GNAQ: variants seen among roughly 807,000 people sequenced by gnomAD.
GNAQ encodes G protein subunit alpha q.
In GNAQ, 8 loss-of-function variants were observed where a neutral mutation model predicts 43.9. The ratio of observed to expected loss-of-function variants is 0.18; its 90% CI spans 0.11 to 0.33. GNAQ has a LOEUF of 0.33. Among genes scored for constraint, GNAQ ranks in the 10% least tolerant of loss-of-function variants. The pLI is 1.00. For missense variants in GNAQ, 158 were observed against 450.8 expected (o/e 0.35, Z 5.88); for synonymous variants, 155 against 170.7 (o/e 0.91, Z 0.71).
At chr9:77,904,270 A>G (rs1373230792) in intron 2 of GNAQ, among the ~76,000 whole-genome samples, 1 of 151,106 alleles carries the variant, frequency 6.6e-6, no homozygotes, top group African/African-American at 2.4e-5. Context: ...ATCAATTTCT[A>G]GAACAAAAGA....
intron 5 of GNAQ, among the ~76,000 whole-genome samples, chr9:77,733,405 A>G (rs1210668607): frequency 1.3e-5 from 2 of 152,224 alleles, no homozygotes; most frequent in African/African-American, 4.8e-5. Flanking sequence ...TGGCATTCAC[A>G]GCTTGGCACT....
intron 2 of GNAQ, among the ~76,000 whole-genome samples, chr9:77,831,551 G>A (rs1187067973): frequency 1.3e-5 from 2 of 152,174 alleles, no homozygotes; most frequent in South Asian, 2.1e-4. Context: ...ATATAATACA[G>A]TGGAAAACTA....
In GNAQ at chr9:78,031,405, C is replaced by A. The variant is rs1355535136; in HGVS notation, c.-170G>T. ...CCGCCGCGGGGGCGGCGGCCAGGGC[C>A]GGGGCCACCAGGTGGGCCGGGGGCG... On this transcript the variant is annotated 5_prime_UTR_variant, in exon 1 of 7. Transcript: ENST00000286548. The A allele has an allele frequency of 1.2e-4, 31 of 254,154 alleles. 1 individual carries two copies. The East Asian group carries it at 2.3e-3, about 19-fold the overall frequency. The allele number at this position is 254,154 out of a possible 1,614,324, so 15.7% of individuals were successfully genotyped here. A position where few individuals can be genotyped will look rare whatever the true frequency, so the allele number is the denominator to read the frequency against.
intron 5 of GNAQ, among the ~76,000 whole-genome samples, chr9:77,761,794 A>G (rs1349504824): frequency 1.4e-4 from 6 of 44,364 alleles, no homozygotes; most frequent in Admixed American, 2.4e-4. Context: ...AGCTGCCCCT[A>G]CTGGGAAGTG....
At chr9:77,805,911 C>T (rs1373478262) in intron 3 of GNAQ, among the ~76,000 whole-genome samples, 3 of 152,176 alleles carry the variant, frequency 2.0e-5, no homozygotes, top group African/African-American at 7.2e-5. Context: ...AATTAAATAT[C>T]TCCTAAAAAG....
At chr9:77,992,151 T>C (rs1823515714) in intron 1 of GNAQ, among the ~76,000 whole-genome samples, 2 of 152,250 alleles carry the variant, frequency 1.3e-5, no homozygotes, top group Admixed American at 1.3e-4. Context: ...CATACTGTTT[T>C]CCATAGTGGT....
At chr9:77,853,774 CA>C (rs34924714) in intron 2 of GNAQ, among the ~76,000 whole-genome samples, 5,052 of 56,510 alleles carry the variant, frequency 0.089, 48 homozygotes, top group Non-Finnish European at 0.11. Context: ...AAATTACTAC[CA>C]AAAAAAAAAA....
intron 2 of GNAQ, among the ~76,000 whole-genome samples, chr9:77,829,947 C>A (rs766398493): frequency 6.6e-6 from 1 of 151,944 alleles, no homozygotes; most frequent in South Asian, 2.1e-4. Context: ...TGAGACATGA[C>A]CAATTTTTTT....
chr9:77,946,766 C>G (rs538012309), intron 1 of GNAQ, among the ~76,000 whole-genome samples: 51 of 152,264 alleles, frequency 3.3e-4, no homozygotes, highest in Admixed American at 7.8e-4. Flanking sequence ...GGGTTAAAGC[C>G]CAGGGTATCA....
chr9:77,801,009 G>A (rs1826736275), intron 3 of GNAQ, among the ~76,000 whole-genome samples: 1 of 152,222 alleles, frequency 6.6e-6, no homozygotes. Context: ...AGAACAGAGG[G>A]CTGTTAATTC....
intron 2 of GNAQ, among the ~76,000 whole-genome samples, chr9:77,855,120 C>G (rs964635209): frequency 1.3e-5 from 2 of 152,104 alleles, no homozygotes; most frequent in Admixed American, 6.5e-5. Context: ...ATTGCACTAC[C>G]TTGCATCACA....
rs1282250933 is a variant in GNAQ at position 77,718,347 on chromosome 9, C to T, written c.*2976G>A. ...CCGCCCCTAGCCCCTTCAATAAAAC[C>T]CCGAAGAAACAAAAAAGAAAATCCT... On this transcript the variant is annotated 3_prime_UTR_variant, in exon 7 of 7. Coordinates refer to ENST00000286548, the MANE Select transcript of GNAQ (RefSeq NM_002072.5). 4.3e-6 allele frequency: 1 copy of T among 232,276 alleles called. No homozygotes were observed. Among genetic ancestry groups the T allele is most frequent in the Non-Finnish European group, 8.5e-6 (1 of 117,528 alleles). The allele number at this position is 232,276 out of a possible 1,614,324, so 14.4% of individuals were successfully genotyped here. A position where few individuals can be genotyped will look rare whatever the true frequency, so the allele number is the denominator to read the frequency against.
chr9:77,983,635 T>C (rs912024682), intron 1 of GNAQ, among the ~76,000 whole-genome samples: 1 of 152,214 alleles, frequency 6.6e-6, no homozygotes, highest in Admixed American at 6.5e-5. Context: ...TCTTTCAAGG[T>C]TCCCCTTACT....
intron 1 of GNAQ, among the ~76,000 whole-genome samples, chr9:77,947,369 A>C (rs1276367015): frequency 2.0e-5 from 3 of 152,178 alleles, no homozygotes; most frequent in African/African-American, 4.8e-5. Flanking sequence ...AGAGAGGACA[A>C]GTTTTCAAAA....
intron 1 of GNAQ, among the ~76,000 whole-genome samples, chr9:77,978,617 T>C (rs1325967815): frequency 1.3e-5 from 2 of 152,174 alleles, no homozygotes; most frequent in Non-Finnish European, 2.9e-5. Flanking sequence ...TGTGTAAATA[T>C]TACCTCCCAC....
chr9:77,791,217 C>G (rs1041819976), intron 5 of GNAQ, among the ~76,000 whole-genome samples: 2 of 152,172 alleles, frequency 1.3e-5, no homozygotes, highest in African/African-American at 4.8e-5. Context: ...GCCTGGAAGA[C>G]AGTCATTGAG....
chr9:78,011,318 A>AT (rs1315346939), intron 1 of GNAQ, among the ~76,000 whole-genome samples: 25 of 152,310 alleles, frequency 1.6e-4, no homozygotes, highest in South Asian at 1.0e-3. Flanking sequence ...CCCAAGACAA[A>AT]TAGGGAAGGA....
intron 5 of GNAQ, among the ~76,000 whole-genome samples, chr9:77,761,547 G>T (rs1435794478): frequency 6.7e-4 from 91 of 135,710 alleles, no homozygotes; most frequent in African/African-American, 2.4e-3. Context: ...GGAGGGAGGT[G>T]GGGGGGTCAG....
chr9:78,012,429 G>A (rs919622858), intron 1 of GNAQ, among the ~76,000 whole-genome samples: 2 of 151,774 alleles, frequency 1.3e-5, no homozygotes, highest in Non-Finnish European at 2.9e-5. Flanking sequence ...GGTTGGTCTC[G>A]AACTCCTGAC....
Sources: allele counts gnomAD v4.1 joint callset (sites outside exome capture counted in the v4.1 genomes callset), GRCh38; gene constraint gnomAD v4.1.1; transcripts MANE v1.5; gene names NCBI Gene and HGNC (gene_info 2026-07-23, HGNC 2026-07-21).